LRP1B: variants seen among roughly 807,000 people sequenced by gnomAD.
The protein encoded by LRP1B is LDL receptor related protein 1B, also known as low-density lipoprotein receptor-related protein 1B.
Under a neutral mutation model 556.6 loss-of-function variants are expected in LRP1B, and 217 were observed. The ratio of observed to expected loss-of-function variants is 0.39; its 90% confidence interval spans 0.35 to 0.44. The LOEUF (loss-of-function observed/expected upper bound fraction) is 0.44. LRP1B is among the 20% of genes least tolerant of loss of function. LRP1B has a pLI of 1.00. For missense variants in LRP1B, 5,053 were observed against 5,620.8 expected, an observed-to-expected ratio of 0.90 and a Z score of 3.23; for synonymous variants, 2,047 against 1,865.8, an observed-to-expected ratio of 1.10 and a Z score of -2.50.
At chr2:140,288,448 A>C (rs1243093529) in intron 84 of LRP1B, among the ~76,000 whole-genome samples, 1 of 151,854 alleles carries the variant, frequency 6.6e-6, no homozygotes, top group Non-Finnish European at 1.5e-5. Context: ...GACATTCCAA[A>C]TTTGATATAA....
chr2:140,651,526 T>C (rs1397262916), intron 41 of LRP1B, among the ~76,000 whole-genome samples: 14 of 107,014 alleles, frequency 1.3e-4, no homozygotes, highest in Non-Finnish European at 2.4e-4. Flanking sequence ...ATACAAAAAT[T>C]AAAAAAAAAA....
At chr2:140,378,089 T>C in intron 68 of LRP1B, 91 bp downstream of exon 68, 1 of 792,436 alleles carries the variant, frequency 1.3e-6, no homozygotes, top group Admixed American at 2.5e-5. Context: ...ATTTCTGAGC[T>C]GTCCTTGCCG....
chr2:140,909,695 A>T (rs1049971072), intron 21 of LRP1B, among the ~76,000 whole-genome samples: 4 of 151,040 alleles, frequency 2.6e-5, no homozygotes, highest in African/African-American at 9.7e-5. Context: ...ACATTAGAAA[A>T]GAGTGTCATT....
Position 141,709,566 on chromosome 2 carries a change from C to T in LRP1B, c.205+100713G>A, listed in dbSNP as rs565841499. Among the ~76,000 whole-genome samples, 43 of 152,010 alleles carry T rather than the reference C, an allele frequency of 2.8e-4. 1 individual carries two copies. In the South Asian group the frequency reaches 7.7e-3, roughly 27 times the overall value. On this transcript the variant is annotated intron_variant, in intron 2 of 90. Coordinates refer to ENST00000389484, the MANE Select transcript of LRP1B (RefSeq NM_018557.3). ...TTTCTTTGTTTGGTTTTAGAGTTTG[C>T]TGTTTATTGAAATGTATTGAGATAG...
chr2:141,825,749 T>A (rs1696899813), intron 1 of LRP1B, among the ~76,000 whole-genome samples: 1 of 152,158 alleles, frequency 6.6e-6, no homozygotes, highest in African/African-American at 2.4e-5. Flanking sequence ...AAGTGAAATC[T>A]CATCAAAGTA....
intron 2 of LRP1B, among the ~76,000 whole-genome samples, chr2:141,783,989 C>G (rs1695343420): frequency 6.6e-6 from 1 of 151,794 alleles, no homozygotes; most frequent in Non-Finnish European, 1.5e-5. Flanking sequence ...TACTAAGACT[C>G]TCTAATATAG....
chr2:141,974,471 T>C (rs1701828481), intron 1 of LRP1B, among the ~76,000 whole-genome samples: 1 of 151,852 alleles, frequency 6.6e-6, no homozygotes. Flanking sequence ...ACCTTTCGAG[T>C]TTTCAGTGTT....
chr2:141,191,954 T>G (rs1681532637), intron 6 of LRP1B, among the ~76,000 whole-genome samples: 1 of 151,974 alleles, frequency 6.6e-6, no homozygotes, highest in South Asian at 2.1e-4. Flanking sequence ...AAGAGCTGTT[T>G]GACAGCATTC....
At chr2:140,770,827 G>A (rs2104938502) in intron 34 of LRP1B, 54 bp downstream of exon 34, 2 of 1,458,034 alleles carry the variant, frequency 1.4e-6, no homozygotes, top group Admixed American at 2.7e-5. Context: ...TGCATGGTAT[G>A]TAATGATTAG....
In LRP1B at chr2:140,506,650, G is replaced by A. The variant is rs77953705; in HGVS notation, c.8521+146C>T. ...ATACTAGAGCTTAAATAAGTTATAT[G>A]TGCTGTGATTGTGTATTACTGAATT... On this transcript the variant is annotated intron_variant, in intron 53 of 90. Coordinates refer to ENST00000389484, the MANE Select transcript of LRP1B (RefSeq NM_018557.3). 2.8e-3 allele frequency: 2,016 copies of A among 730,134 alleles called. 9 individuals carry two copies. The highest frequency in any genetic ancestry group is 3.3e-3 in the Non-Finnish European group (1,443 of 436,310). The allele number at this position is 730,134 out of a possible 1,614,324, so 45.2% of individuals were successfully genotyped here.
rs1035194114 is a variant in LRP1B at position 141,128,509 on chromosome 2, T to C, written c.1013+59912A>G. On this transcript the variant is annotated intron_variant, in intron 7 of 90. Coordinates refer to ENST00000389484, the MANE Select transcript of LRP1B (RefSeq NM_018557.3). ...TTACTCCACTCTAGTCATGCTGTTC[T>C]CCCTTACTGTTCTTCCAACGCACCA... 2.6e-5 allele frequency among the ~76,000 whole-genome samples: 4 copies of C among 152,218 alleles called. No individual in the cohort carries two copies. The East Asian group carries it at 7.7e-4, about 29-fold the overall frequency.
At chr2:141,504,329 C>T (rs1683839078) in intron 2 of LRP1B, among the ~76,000 whole-genome samples, 2 of 152,000 alleles carry the variant, frequency 1.3e-5, no homozygotes, top group Admixed American at 1.3e-4. Context: ...TAAATATTCA[C>T]AAATTAATTC....
At chr2:141,574,321 C>T (rs1686655285) in intron 2 of LRP1B, among the ~76,000 whole-genome samples, 1 of 152,052 alleles carries the variant, frequency 6.6e-6, no homozygotes, top group Admixed American at 6.6e-5. Flanking sequence ...ATCCATCATG[C>T]AAACAGAAGC....
At chr2:141,005,101 A>G (rs1043408442) in intron 15 of LRP1B, among the ~76,000 whole-genome samples, 1 of 151,932 alleles carries the variant, frequency 6.6e-6, no homozygotes, top group Non-Finnish European at 1.5e-5. Flanking sequence ...TACTTATTTA[A>G]TTTTTTTACT....
intron 32 of LRP1B, among the ~76,000 whole-genome samples, chr2:140,813,246 G>A (rs1292355611): frequency 6.6e-6 from 1 of 152,088 alleles, no homozygotes; most frequent in Non-Finnish European, 1.5e-5. Context: ...TGGTCAAATG[G>A]ACCCTGTTGT....
chr2:140,243,563 T>C (rs1355768404), intron 87 of LRP1B, among the ~76,000 whole-genome samples: 1 of 151,298 alleles, frequency 6.6e-6, no homozygotes, highest in African/African-American at 2.4e-5. Context: ...AGAGTATATA[T>C]ATTTGTTGAA....
chr2:140,640,190 G>C (rs1684230189), intron 41 of LRP1B, among the ~76,000 whole-genome samples: 1 of 150,316 alleles, frequency 6.7e-6, no homozygotes, highest in African/African-American at 2.5e-5. Flanking sequence ...ATTTTTAGTA[G>C]AGACGGGGTT....
chr2:142,094,089 GCTTT>G (rs1425147709), intron 1 of LRP1B, among the ~76,000 whole-genome samples: 30 of 152,112 alleles, frequency 2.0e-4, no homozygotes, highest in Non-Finnish European at 1.9e-4. Flanking sequence ...GGGTCATTTA[GCTTT>G]CTGTGTCCCT....
chr2:140,438,157 C>A (rs1027859693), intron 66 of LRP1B, among the ~76,000 whole-genome samples: 2 of 152,104 alleles, frequency 1.3e-5, no homozygotes, highest in Non-Finnish European at 2.9e-5. Context: ...GCTGACACTG[C>A]AGGTGCTAAT....
Sources: gnomAD v4.1 joint callset for allele counts (sites outside exome capture counted in the v4.1 genomes callset) on GRCh38, gnomAD v4.1.1 for gene constraint, MANE v1.5 for transcripts, NCBI Gene and HGNC (gene_info 2026-07-23, HGNC 2026-07-21) for gene names.